Variants in COLEC11 observed in about 807,000 individuals in gnomAD.
COLEC11 encodes collectin-11.
A neutral mutation model predicts 27.3 loss-of-function variants in COLEC11; 20 were observed. The ratio of observed to expected loss-of-function variants is 0.73; its 90% confidence interval spans 0.51 to 1.06. The LOEUF is 1.06. COLEC11 is among the 50% of genes least tolerant of loss of function. The probability of loss-of-function intolerance (pLI) is 0.00; values close to 1 mark genes in which losing one functional copy is unlikely to be tolerated. For synonymous variants in COLEC11, 163 were observed against 154.7 expected, an observed-to-expected ratio of 1.05 and a Z score of -0.40; for missense variants, 310 against 383.0, an observed-to-expected ratio of 0.81 and a Z score of 1.59.
chr2:3,613,237 T>C, intron 2 of COLEC11, 74 bp from the exon 3 acceptor site: 2 of 1,496,738 alleles, frequency 1.3e-6, no homozygotes, highest in Non-Finnish European at 9.1e-7. Context: ...TTCTAACTGT[T>C]CTTCCTCCAC....
intron 2 of COLEC11, chr2:3,604,959 C>A: frequency 2.3e-6 from 1 of 429,814 alleles, no homozygotes; most frequent in East Asian, 7.2e-5. Context: ...AAAAAAAAGA[C>A]AGGAACTTTT....
At position 3,644,128 on chromosome 2, in the gene COLEC11, T is replaced by C; in HGVS notation, c.*10T>C. The C allele has an allele frequency of 6.2e-7, 1 of 1,607,144 alleles. No individual in the cohort carries two copies. Among genetic ancestry groups the C allele is most frequent in the Non-Finnish European group, 8.5e-7 (1 of 1,179,994 alleles). ...CAAGGAGAACATGTGAGCCTCAGGC[T>C]GGGGCTGCCCATTGGGGGCCCCACA... is the stretch of plus-strand genomic sequence containing the variant. On this transcript the variant is annotated 3_prime_UTR_variant, in exon 7 of 7. Transcript: ENST00000349077.
In COLEC11 at chr2:3,622,463, A is replaced by G. The variant is rs563497558; in HGVS notation, c.202+9081A>G. Reference sequence around the variant, plus strand: ...CCATCAGAGTATTCTGAATTTGACTATTGCTATCATTTGAATGTTTGCCCC... The same window carrying G: ...CCATCAGAGTATTCTGAATTTGACTGTTGCTATCATTTGAATGTTTGCCCC... On this transcript the variant is annotated intron_variant, in intron 3 of 6. Transcript: ENST00000349077. 4.6e-5 allele frequency among the ~76,000 whole-genome samples: 7 copies of G among 152,332 alleles called. No homozygotes were observed. In the East Asian group the frequency reaches 1.2e-3, roughly 25 times the overall value.
intron 1 of COLEC11, among the ~76,000 whole-genome samples, chr2:3,599,315 G>A (rs1296881836): frequency 5.3e-5 from 8 of 152,126 alleles, no homozygotes; most frequent in Admixed American, 2.6e-4. Context: ...TCTGGTGCGC[G>A]ATGACCCACA....
chr2:3,632,519 C>T (rs957939620), intron 3 of COLEC11, among the ~76,000 whole-genome samples: 2 of 152,210 alleles, frequency 1.3e-5, no homozygotes, highest in Admixed American at 6.5e-5. Context: ...TGCACAATCC[C>T]GGCCTCTCTT....
chr2:3,625,672 G>A lies in COLEC11; in HGVS notation c.203-11861G>A, dbSNP rs180874780. Reference sequence around the variant, plus strand: ...GACAGAGTCTCACTCTCGCTCTGTTGTCAAGGCTGGAGTACAGTGGCATAA... The same window carrying A: ...GACAGAGTCTCACTCTCGCTCTGTTATCAAGGCTGGAGTACAGTGGCATAA... On this transcript the variant is annotated intron_variant, in intron 3 of 6. Transcript: ENST00000349077. Among the ~76,000 whole-genome samples the A allele has an allele frequency of 1.6e-4, 18 of 112,956 alleles. No individual in the cohort carries two copies. In the Middle Eastern group the frequency reaches 0.022, roughly 140 times the overall value. 74.1% of individuals were successfully genotyped at this position (112,956 alleles called of 152,430 possible).
At chr2:3,632,830 G>T (rs1665115530) in intron 3 of COLEC11, among the ~76,000 whole-genome samples, 1 of 152,214 alleles carries the variant, frequency 6.6e-6, no homozygotes, top group African/African-American at 2.4e-5. Context: ...GAGAGGGGCA[G>T]CGTCAGAGCA....
At chr2:3,625,629 T>TTTTTTTTC (rs1292712604) in intron 3 of COLEC11, among the ~76,000 whole-genome samples, 1 of 128,534 alleles carries the variant, frequency 7.8e-6, no homozygotes, top group East Asian at 2.2e-4. Flanking sequence ...TTTTTACTTT[T>TTTTTTTTC]TTTTTTTTTT....
At chr2:3,631,944 G>A (rs1000536105) in intron 3 of COLEC11, among the ~76,000 whole-genome samples, 1 of 152,178 alleles carries the variant, frequency 6.6e-6, no homozygotes, top group African/African-American at 2.4e-5. Context: ...GGCTTTGGCT[G>A]TACCCGGGGT....
At chr2:3,614,937 A>C (rs1663537430) in intron 3 of COLEC11, among the ~76,000 whole-genome samples, 1 of 152,224 alleles carries the variant, frequency 6.6e-6, no homozygotes, top group Non-Finnish European at 1.5e-5. Context: ...TGAAGAAAGA[A>C]CAGTACCTTT....
At chr2:3,630,197 A>T (rs1363660980) in intron 3 of COLEC11, among the ~76,000 whole-genome samples, 2 of 152,178 alleles carry the variant, frequency 1.3e-5, no homozygotes, top group Non-Finnish European at 2.9e-5. Flanking sequence ...ATATGTGTAT[A>T]GTATGTATGT....
chr2:3,634,254 A>G (rs998737970), intron 3 of COLEC11, among the ~76,000 whole-genome samples: 1 of 152,172 alleles, frequency 6.6e-6, no homozygotes, highest in African/African-American at 2.4e-5. Context: ...AAAGGCAGCC[A>G]GGATAGGGCA....
rs1044421138 is a variant in COLEC11 at position 3,644,428 on chromosome 2, A to T, written c.*310A>T. ...GCCTTTGTCCAAGCTATACAATAAA[A>T]TCTTTAAGTAGTGCAGTAGTTAAGT... On this transcript the variant is annotated 3_prime_UTR_variant, in exon 7 of 7. Coordinates refer to ENST00000349077, the MANE Select transcript of COLEC11 (RefSeq NM_024027.5). 2 of 563,592 alleles carry T rather than the reference A, an allele frequency of 3.5e-6. No individual in the cohort carries two copies. The highest frequency in any genetic ancestry group is 3.7e-5 in the African/African-American group (2 of 53,926). 34.9% of individuals were successfully genotyped at this position (563,592 alleles called of 1,614,324 possible). A position where few individuals can be genotyped will look rare whatever the true frequency, so the allele number is the denominator to read the frequency against.
chr2:3,640,438 CT>C (rs1250650044), intron 5 of COLEC11, 107 bp downstream of exon 5: 21 of 716,360 alleles, frequency 2.9e-5, no homozygotes, highest in Non-Finnish European at 4.8e-5. Context: ...ACACCCACCC[CT>C]GTCACATCCC....
At chr2:3,625,260 G>T (rs1664460617) in intron 3 of COLEC11, among the ~76,000 whole-genome samples, 1 of 152,182 alleles carries the variant, frequency 6.6e-6, no homozygotes, top group Admixed American at 6.5e-5. Flanking sequence ...ATGTTCAGGT[G>T]TAGGTCAGGC....
rs376380173 is a variant in COLEC11 at position 3,615,281 on chromosome 2, C to T, written c.202+1899C>T. ...CTCTGGTTTTCCTAGGCAGAGGACC[C>T]TGCGGCCATCCGCAGTGTTTGTGTC... On this transcript the variant is annotated intron_variant, in intron 3 of 6. Transcript: ENST00000349077. 1.2e-4 allele frequency among the ~76,000 whole-genome samples: 19 copies of T among 152,330 alleles called. No homozygotes were observed. In the East Asian group the frequency reaches 1.5e-3, roughly 12 times the overall value.
intron 3 of COLEC11, among the ~76,000 whole-genome samples, chr2:3,618,749 T>C (rs12474662): frequency 0.09 from 13,735 of 152,296 alleles, 852 homozygotes; most frequent in East Asian, 0.33. Flanking sequence ...GAGATTGCAC[T>C]GAATCTGTAG....
intron 3 of COLEC11, chr2:3,626,029 G>A (rs138818916): frequency 1.1e-5 from 17 of 1,613,934 alleles, no homozygotes; most frequent in Middle Eastern, 1.6e-4. Flanking sequence ...ACAGCCAGTC[G>A]TGACAGCTTC....
rs554129101 is a variant in COLEC11, at chr2:3,603,050, A to G, written c.-26-1265A>G. Among the ~76,000 whole-genome samples the G allele has an allele frequency of 9.0e-4, 137 of 152,346 alleles. 1 individual carries two copies. The highest frequency in any genetic ancestry group is 3.2e-3 in the African/African-American group (134 of 41,568). ...ATCCACAAATGTTTCTGAACGAATGATTAACCAAACGAAAGGCTGCCAGGA... is the reference window on the plus strand; with the variant it reads ...ATCCACAAATGTTTCTGAACGAATGGTTAACCAAACGAAAGGCTGCCAGGA... On this transcript the variant is annotated intron_variant, in intron 1 of 6. Transcript: ENST00000349077.
Sources: allele counts gnomAD v4.1 joint callset (sites outside exome capture counted in the v4.1 genomes callset), GRCh38; gene constraint gnomAD v4.1.1; transcripts MANE v1.5; gene names NCBI Gene and HGNC (gene_info 2026-07-23, HGNC 2026-07-21).